The following CACNG3 variants were observed in gnomAD, a reference collection of about 807,000 sequenced individuals.
CACNG3 encodes the protein calcium voltage-gated channel auxiliary subunit gamma 3, also known as voltage-dependent calcium channel gamma-3 subunit.
Under a neutral mutation model 28.5 loss-of-function variants are expected in CACNG3, and 3 were observed. That is an observed-to-expected ratio of 0.11 (90% CI 0.05 to 0.27). The LOEUF is 0.27. Ranked by LOEUF, CACNG3 falls within the 10% of genes least tolerant of loss-of-function variation. The pLI, the probability that CACNG3 is intolerant of heterozygous loss-of-function variation, is 1.00. For synonymous variants in CACNG3, 174 were observed against 162.2 expected (o/e 1.07, Z -0.55); for missense variants, 236 against 414.4 (o/e 0.57, Z 3.74).
chr16:24,289,499 A>C (rs1285755847), intron 1 of CACNG3, among the ~76,000 whole-genome samples: 1 of 152,206 alleles, frequency 6.6e-6, no homozygotes, highest in Non-Finnish European at 1.5e-5. Context: ...TCAATTTGAC[A>C]GGAGTAGGAG....
intron 1 of CACNG3, among the ~76,000 whole-genome samples, chr16:24,265,859 T>A (rs1049838232): frequency 1.3e-5 from 2 of 152,222 alleles, no homozygotes; most frequent in African/African-American, 4.8e-5. Flanking sequence ...AAGCCTGAAA[T>A]ATTTACTATC....
At chr16:24,264,923 G>C (rs1023692951) in intron 1 of CACNG3, among the ~76,000 whole-genome samples, 1 of 152,126 alleles carries the variant, frequency 6.6e-6, no homozygotes, top group African/African-American at 2.4e-5. Context: ...ATGTCACCAT[G>C]CTTCATCTCA....
intron 1 of CACNG3, among the ~76,000 whole-genome samples, chr16:24,284,195 A>C (rs11865135): frequency 0.47 from 71,567 of 151,964 alleles, 17,212 homozygotes; most frequent in East Asian, 0.7. Context: ...CTTGTCAATG[A>C]AATTTTCCTG....
chr16:24,304,369 A>C (rs1006960297), intron 1 of CACNG3, among the ~76,000 whole-genome samples: 1 of 152,116 alleles, frequency 6.6e-6, no homozygotes, highest in Admixed American at 6.5e-5. Context: ...GCTTTTTAAA[A>C]ATTAAAGTGC....
intron 2 of CACNG3, among the ~76,000 whole-genome samples, chr16:24,351,930 C>G (rs902899407): frequency 6.6e-6 from 1 of 150,580 alleles, no homozygotes; most frequent in Admixed American, 6.6e-5. Context: ...ATTCTCCTGC[C>G]TCAGCCTCCT....
intron 1 of CACNG3, among the ~76,000 whole-genome samples, chr16:24,343,954 TG>T (rs915684971): frequency 2.0e-4 from 30 of 152,134 alleles, no homozygotes; most frequent in African/African-American, 7.0e-4. Context: ...CCAGGCATGG[TG>T]GCAGGCGCCT....
At chr16:24,347,836 A>C (rs1899889927) in intron 2 of CACNG3, among the ~76,000 whole-genome samples, 1 of 152,186 alleles carries the variant, frequency 6.6e-6, no homozygotes, top group South Asian at 2.1e-4. Flanking sequence ...ACTTGAGGCA[A>C]GGGGCTTTAC....
chr16:24,317,648 A>AAAAGAAAGAAAGAAAGAAAGAAAG (rs1158587996), intron 1 of CACNG3, among the ~76,000 whole-genome samples: 1 of 55,716 alleles, frequency 1.8e-5, no homozygotes, highest in Non-Finnish European at 3.3e-5. Flanking sequence ...GAAAGAAAAG[A>AAAAGAAAGAAAGAAAGAAAGAAAG]AAAGAAAGAA....
At chr16:24,354,154 T>G (rs118025458) in intron 2 of CACNG3, among the ~76,000 whole-genome samples, 2,751 of 152,202 alleles carry the variant, frequency 0.018, 42 homozygotes, top group Middle Eastern at 0.031. Context: ...ATTGCACCAC[T>G]GCACTCCAGC....
chr16:24,311,829 G>A (rs920283843), intron 1 of CACNG3, among the ~76,000 whole-genome samples: 6 of 152,180 alleles, frequency 3.9e-5, no homozygotes, highest in Non-Finnish European at 5.9e-5. Flanking sequence ...CAGCCTGGGC[G>A]ACAGAGCAAG....
chr16:24,285,334 A>G (rs1330163093), intron 1 of CACNG3, among the ~76,000 whole-genome samples: 1 of 152,218 alleles, frequency 6.6e-6, no homozygotes, highest in African/African-American at 2.4e-5. Context: ...TTCAAAGATT[A>G]TAAGAGTAAC....
intron 1 of CACNG3, among the ~76,000 whole-genome samples, chr16:24,263,860 T>C (rs1898564843): frequency 6.6e-6 from 1 of 152,278 alleles, no homozygotes; most frequent in Non-Finnish European, 1.5e-5. Context: ...AAGTTAGCTT[T>C]CTTATACAAG....
At chr16:24,302,635 T>TTTTTGTTTTGTTTTGTTTTG (rs60301738) in intron 1 of CACNG3, among the ~76,000 whole-genome samples, 1 of 148,650 alleles carries the variant, frequency 6.7e-6, no homozygotes, top group African/African-American at 2.5e-5. Flanking sequence ...TTTTTGTTTG[T>TTTTTGTTTTGTTTTGTTTTG]TTTTGTTTTG....
chr16:24,267,919 C>G (rs769470225), intron 1 of CACNG3, among the ~76,000 whole-genome samples: 3 of 152,202 alleles, frequency 2.0e-5, no homozygotes, highest in Non-Finnish European at 2.9e-5. Flanking sequence ...AATCTGCCCA[C>G]CTTGGCCTCC....
intron 1 of CACNG3, among the ~76,000 whole-genome samples, chr16:24,316,934 C>A (rs1219609299): frequency 1.3e-5 from 2 of 152,198 alleles, no homozygotes; most frequent in Admixed American, 6.5e-5. Flanking sequence ...GTGTTAGTGT[C>A]CTCGCCAGTG....
chr16:24,265,716 A>G (rs1316816251), intron 1 of CACNG3, among the ~76,000 whole-genome samples: 1 of 152,234 alleles, frequency 6.6e-6, no homozygotes, highest in African/African-American at 2.4e-5. Context: ...CATGACAAAT[A>G]AAAAAGATAT....
intron 2 of CACNG3, among the ~76,000 whole-genome samples, chr16:24,347,806 G>T (rs1468430086): frequency 6.6e-6 from 1 of 152,322 alleles, no homozygotes; most frequent in South Asian, 2.1e-4. Context: ...ACCCTTGTTT[G>T]ACTCTACTAG....
At chr16:24,335,813 C>T (rs781669890) in intron 1 of CACNG3, among the ~76,000 whole-genome samples, 39 of 152,184 alleles carry the variant, frequency 2.6e-4, no homozygotes, top group Non-Finnish European at 4.3e-4. Flanking sequence ...TGGTGGCTCA[C>T]GCCTGTAATC....
chr16:24,326,719 A>T (rs1018328947), intron 1 of CACNG3, among the ~76,000 whole-genome samples: 1 of 152,116 alleles, frequency 6.6e-6, no homozygotes, highest in African/African-American at 2.4e-5. Context: ...CCCTATGCTC[A>T]CCTCACTCTC....
Sources: allele counts gnomAD v4.1 joint callset (sites outside exome capture counted in the v4.1 genomes callset), GRCh38; gene constraint gnomAD v4.1.1; transcripts MANE v1.5; gene names NCBI Gene and HGNC (gene_info 2026-07-23, HGNC 2026-07-21).